The following SUMF1 variants were observed in gnomAD, a reference collection of about 807,000 sequenced individuals.
SUMF1 encodes formylglycine-generating enzyme.
SUMF1 carries 48 observed loss-of-function variants against 47.6 expected under a neutral mutation model. The observed-to-expected ratio is 1.01, with a 90% CI of 0.80 to 1.28. The LOEUF (loss-of-function observed/expected upper bound fraction) is 1.28. Among genes scored for constraint, SUMF1 ranks in the 50% most tolerant of loss-of-function variants. The pLI, the probability that SUMF1 is intolerant of heterozygous loss-of-function variation, is 0.00. For missense variants in SUMF1, 571 were observed against 485.4 expected, an observed-to-expected ratio of 1.18 and a Z score of -1.66; for synonymous variants, 230 against 192.1, an observed-to-expected ratio of 1.20 and a Z score of -1.63.
At chr3:4,347,948 T>G (rs757832043) in intron 8 of SUMF1, among the ~76,000 whole-genome samples, 1 of 151,902 alleles carries the variant, frequency 6.6e-6, no homozygotes, top group Non-Finnish European at 1.5e-5. Flanking sequence ...TACAAAGAGA[T>G]TAAAATACCT....
At chr3:4,136,024 C>T (rs537434374) in intron 8 of SUMF1, among the ~76,000 whole-genome samples, 2 of 152,196 alleles carry the variant, frequency 1.3e-5, no homozygotes, top group African/African-American at 4.8e-5. Flanking sequence ...TAGGAACAAT[C>T]AATATTGTGA....
intron 3 of SUMF1, among the ~76,000 whole-genome samples, chr3:4,442,530 C>G (rs1172551768): frequency 6.6e-6 from 1 of 151,602 alleles, no homozygotes; most frequent in East Asian, 1.9e-4. Flanking sequence ...ACCATGAACT[C>G]TTGAAACTGA....
At chr3:4,397,746 C>T (rs1325512573) in intron 7 of SUMF1, among the ~76,000 whole-genome samples, 1 of 152,078 alleles carries the variant, frequency 6.6e-6, no homozygotes, top group African/African-American at 2.4e-5. Flanking sequence ...TAATTGCATG[C>T]TACCAGATGG....
chr3:4,111,537 G>C (rs1234444690), intron 8 of SUMF1, among the ~76,000 whole-genome samples: 1 of 151,970 alleles, frequency 6.6e-6, no homozygotes, highest in Non-Finnish European at 1.5e-5. Context: ...GGCCAACATG[G>C]TGAAACCCCG....
chr3:4,099,220 C>A (rs115164412), intron 8 of SUMF1, among the ~76,000 whole-genome samples: 1,777 of 152,144 alleles, frequency 0.012, 22 homozygotes, highest in Middle Eastern at 0.017. Flanking sequence ...TACACCTCCC[C>A]ACTCCGTACA....
chr3:4,360,455 A>G (rs1699724018), downstream of SUMF1, among the ~76,000 whole-genome samples: 1 of 151,906 alleles, frequency 6.6e-6, no homozygotes, highest in African/African-American at 2.4e-5. Context: ...AGTCCTGAGT[A>G]GCTGGGACTA....
At chr3:4,195,642 G>A (rs1695411299) in intron 8 of SUMF1, among the ~76,000 whole-genome samples, 1 of 152,114 alleles carries the variant, frequency 6.6e-6, no homozygotes, top group African/African-American at 2.4e-5. Flanking sequence ...AATAGGCAAG[G>A]ATCTAAGCAT....
At chr3:4,416,420 G>A (rs1005793201) in intron 6 of SUMF1, among the ~76,000 whole-genome samples, 16 of 152,250 alleles carry the variant, frequency 1.1e-4, no homozygotes, top group African/African-American at 3.1e-4. Flanking sequence ...CAGATGAAAC[G>A]TTTCTGATAT....
At chr3:4,309,281 A>C (rs1698313050) in intron 8 of SUMF1, among the ~76,000 whole-genome samples, 1 of 152,138 alleles carries the variant, frequency 6.6e-6, no homozygotes, top group Non-Finnish European at 1.5e-5. Flanking sequence ...ATAATGAGGC[A>C]TGTCTGACCC....
intron 8 of SUMF1, among the ~76,000 whole-genome samples, chr3:4,233,898 C>T (rs900906947): frequency 1.3e-5 from 2 of 152,084 alleles, no homozygotes; most frequent in Non-Finnish European, 2.9e-5. Flanking sequence ...TCATTTGTAC[C>T]CAGAGATGCT....
chr3:4,274,939 G>C (rs1430796154), intron 8 of SUMF1, among the ~76,000 whole-genome samples: 2 of 152,096 alleles, frequency 1.3e-5, no homozygotes, highest in African/African-American at 2.4e-5. Flanking sequence ...CTGGACAAAG[G>C]AAAAAGTCCA....
rs17040620 is a variant in SUMF1, at chr3:4,397,323, G to A, written c.954+13542C>T. 4.4e-4 allele frequency among the ~76,000 whole-genome samples: 67 copies of A among 152,290 alleles called. 2 individuals carry two copies. In the East Asian group the frequency reaches 6.2e-3, roughly 14 times the overall value. ...ACAGACTACATTCACTGAAAGATTT[G>A]CTCCAGAATCAATCACTTATATTGC... On this transcript the variant is annotated intron_variant, in intron 7 of 8. Coordinates refer to ENST00000272902, the MANE Select transcript of SUMF1 (RefSeq NM_182760.4).
chr3:4,164,881 G>A (rs376081717), intron 8 of SUMF1, among the ~76,000 whole-genome samples: 1 of 152,058 alleles, frequency 6.6e-6, no homozygotes, highest in African/African-American at 2.4e-5. Context: ...TTTTCCTAAG[G>A]CCTCCCATAG....
chr3:4,184,387 C>A (rs1438017204), intron 8 of SUMF1, among the ~76,000 whole-genome samples: 1 of 150,514 alleles, frequency 6.6e-6, no homozygotes, highest in Non-Finnish European at 1.5e-5. Context: ...ACCCAGGAGA[C>A]GGAAGTTGCA....
chr3:4,341,470 T>A (rs1268438414), intron 8 of SUMF1, among the ~76,000 whole-genome samples: 1 of 152,196 alleles, frequency 6.6e-6, no homozygotes, highest in Non-Finnish European at 1.5e-5. Context: ...TAGCTTTTCT[T>A]TATTTTTTTT....
intron 8 of SUMF1, among the ~76,000 whole-genome samples, chr3:4,246,676 A>G (rs900198859): frequency 6.6e-6 from 1 of 152,196 alleles, no homozygotes; most frequent in African/African-American, 2.4e-5. Context: ...CTGGGATTAC[A>G]GGCGTGAGCT....
At chr3:4,240,000 G>T (rs1235910284) in intron 8 of SUMF1, among the ~76,000 whole-genome samples, 1 of 152,074 alleles carries the variant, frequency 6.6e-6, no homozygotes, top group Non-Finnish European at 1.5e-5. Context: ...TTTGTTGAAG[G>T]CCCTTTCTCC....
At chr3:4,210,106 G>T (rs1322251726) in intron 8 of SUMF1, among the ~76,000 whole-genome samples, 3 of 151,970 alleles carry the variant, frequency 2.0e-5, no homozygotes, top group Non-Finnish European at 2.9e-5. Flanking sequence ...TGTTAGCCAG[G>T]CTGGTCTTGA....
chr3:4,332,870 G>A (rs1406161773), intron 8 of SUMF1, among the ~76,000 whole-genome samples: 1 of 152,098 alleles, frequency 6.6e-6, no homozygotes, highest in African/African-American at 2.4e-5. Context: ...CGCCTATCCT[G>A]TACCCATATA....
Sources: gnomAD v4.1 joint callset for allele counts (sites outside exome capture counted in the v4.1 genomes callset) on GRCh38, gnomAD v4.1.1 for gene constraint, MANE v1.5 for transcripts, NCBI Gene and HGNC (gene_info 2026-07-23, HGNC 2026-07-21) for gene names.